Variants in ASIC5 observed in about 807,000 individuals in gnomAD.
ASIC5 encodes the protein acid sensing ion channel subunit family member 5, also known as bile acid-sensitive ion channel.
In ASIC5, 52 loss-of-function variants were observed where a neutral mutation model predicts 51.2. The ratio of observed to expected loss-of-function variants is 1.02; its 90% CI spans 0.81 to 1.28. ASIC5 has a LOEUF of 1.28. Ranked by LOEUF, ASIC5 falls within the 50% of genes most tolerant of loss-of-function variation. The probability of loss-of-function intolerance (pLI) is 0.00; values close to 1 mark genes in which losing one functional copy is unlikely to be tolerated. For missense variants in ASIC5, 635 were observed against 595.0 expected (o/e 1.07, Z -0.70); for synonymous variants, 231 against 200.7 (o/e 1.15, Z -1.28).
rs188260892 is a variant in ASIC5 at position 155,849,764 on chromosome 4, G to C, written c.711+2427C>G. ...ATTTGGAGTCACTGAAAACTAAGCT[G>C]TGCTTTCTTAAAGTCCGGCAAACTG... On this transcript the variant is annotated intron_variant, in intron 4 of 9. Coordinates refer to ENST00000537611, the MANE Select transcript of ASIC5 (RefSeq NM_017419.3). Among the ~76,000 whole-genome samples the C allele has an allele frequency of 3.8e-4, 57 of 151,882 alleles. No homozygotes were observed. The Middle Eastern group carries it at 0.01, about 27-fold the overall frequency.
At chr4:155,836,983 G>T (rs1053938005) in intron 7 of ASIC5, 126 bp from the exon 8 acceptor site, 6 of 632,104 alleles carry the variant, frequency 9.5e-6, no homozygotes, top group Non-Finnish European at 1.5e-5. Flanking sequence ...AACAAATGGT[G>T]TTTACTCTGA....
intron 2 of ASIC5, among the ~76,000 whole-genome samples, chr4:155,857,802 T>A (rs1234085917): frequency 1.3e-5 from 2 of 152,170 alleles, no homozygotes; most frequent in Non-Finnish European, 2.9e-5. Flanking sequence ...CTGCCTTTTG[T>A]ATTCTTCTTT....
chr4:155,847,972 C>G (rs1741295653), intron 4 of ASIC5, among the ~76,000 whole-genome samples: 1 of 152,034 alleles, frequency 6.6e-6, no homozygotes, highest in Admixed American at 6.6e-5. Flanking sequence ...GAAGCATTAA[C>G]TAACTCCTTA....
At chr4:155,851,875 G>C (rs1461604036) in intron 4 of ASIC5, among the ~76,000 whole-genome samples, 1 of 151,954 alleles carries the variant, frequency 6.6e-6, no homozygotes, top group East Asian at 1.9e-4. Context: ...TCAATGCAAA[G>C]AGTTCTCTTA....
At chr4:155,865,392 A>G (rs1741836261) in intron 1 of ASIC5, among the ~76,000 whole-genome samples, 1 of 152,144 alleles carries the variant, frequency 6.6e-6, no homozygotes, top group African/African-American at 2.4e-5. Flanking sequence ...TGTATTCTTT[A>G]GTCATGACTT....
chr4:155,851,026 CTA>C (rs1213064967), intron 4 of ASIC5, among the ~76,000 whole-genome samples: 2 of 152,008 alleles, frequency 1.3e-5, no homozygotes, highest in Admixed American at 6.6e-5. Context: ...ATTCAAAACT[CTA>C]TTTCTCCTGG....
intron 4 of ASIC5, among the ~76,000 whole-genome samples, chr4:155,844,148 G>A (rs904210090): frequency 1.1e-4 from 16 of 151,972 alleles, no homozygotes; most frequent in Non-Finnish European, 2.2e-4. Flanking sequence ...AAGCTGACCT[G>A]GCCTGCAGCA....
At chr4:155,851,300 A>T (rs1016368166) in intron 4 of ASIC5, among the ~76,000 whole-genome samples, 1 of 152,024 alleles carries the variant, frequency 6.6e-6, no homozygotes. Context: ...TTATGTTTGG[A>T]CGTAAAGAAA....
intron 2 of ASIC5, 35 bp from the exon 3 acceptor site, chr4:155,854,349 T>C (rs768283298): frequency 1.5e-6 from 2 of 1,353,500 alleles, no homozygotes; most frequent in Admixed American, 1.8e-5. Context: ...GTTAGAATAA[T>C]GAAAACTTAT....
At chr4:155,836,356 T>A (rs561224412) in intron 8 of ASIC5, among the ~76,000 whole-genome samples, 1 of 152,236 alleles carries the variant, frequency 6.6e-6, no homozygotes, top group East Asian at 1.9e-4. Flanking sequence ...AGACTCAAAG[T>A]GTATAATGTA....
intron 4 of ASIC5, among the ~76,000 whole-genome samples, chr4:155,845,235 T>G (rs1207639319): frequency 2.0e-5 from 3 of 152,128 alleles, no homozygotes; most frequent in Non-Finnish European, 4.4e-5. Context: ...TAAAAAGAAT[T>G]TTTTTAAAGA....
intron 4 of ASIC5, 94 bp downstream of exon 4, chr4:155,852,097 T>C (rs886762471): frequency 1.5e-6 from 2 of 1,330,566 alleles, no homozygotes; most frequent in Middle Eastern, 3.7e-4. Context: ...ATATCCAATG[T>C]GTGGGAACTA....
rs748670687 is a variant in ASIC5 at position 155,843,657 on chromosome 4, AT to A, written c.861+23del. 14 of 1,611,728 alleles carry A rather than the reference AT, an allele frequency of 8.7e-6. No individual in the cohort carries two copies. In the South Asian group the frequency reaches 1.2e-4, roughly 14 times the overall value. ...TTTGATGCATTCACTACCCCACCTA[AT>A]TTCCTCAGACTCGAGTATTTACCTT... On this transcript the variant is annotated intron_variant, in intron 5 of 9. Transcript: ENST00000537611.
chr4:155,831,236 C>T (rs1356227556), intron 9 of ASIC5, among the ~76,000 whole-genome samples: 2 of 152,104 alleles, frequency 1.3e-5, no homozygotes, highest in Non-Finnish European at 2.9e-5. Flanking sequence ...CTGAAACATT[C>T]TACAAAGTCA....
At chr4:155,835,053 C>T (rs924783956) in intron 8 of ASIC5, among the ~76,000 whole-genome samples, 8 of 152,242 alleles carry the variant, frequency 5.3e-5, no homozygotes, top group African/African-American at 1.9e-4. Context: ...CCTTCGAGCC[C>T]GTGTGTAATC....
intron 7 of ASIC5, among the ~76,000 whole-genome samples, chr4:155,837,091 T>C (rs1741000220): frequency 6.6e-6 from 1 of 152,190 alleles, no homozygotes; most frequent in Non-Finnish European, 1.5e-5. Flanking sequence ...GGGATCTTTA[T>C]TGGATTTAAG....
At chr4:155,862,059 G>A (rs764363457) in intron 2 of ASIC5, among the ~76,000 whole-genome samples, 2 of 152,076 alleles carry the variant, frequency 1.3e-5, no homozygotes, top group Non-Finnish European at 2.9e-5. Context: ...TTTTGAAGGG[G>A]ATAGAGTTTA....
At chr4:155,831,199 G>A (rs1050246870) in intron 9 of ASIC5, among the ~76,000 whole-genome samples, 3 of 152,166 alleles carry the variant, frequency 2.0e-5, no homozygotes, top group Non-Finnish European at 4.4e-5. Flanking sequence ...GTATGAGGTG[G>A]CTGACATTTA....
chr4:155,837,789 A>C (rs151164779), intron 7 of ASIC5, among the ~76,000 whole-genome samples: 41 of 151,826 alleles, frequency 2.7e-4, no homozygotes, highest in African/African-American at 9.9e-4. Flanking sequence ...ACATGCACAT[A>C]CTCTCACACA....
Sources: allele counts gnomAD v4.1 joint callset (sites outside exome capture counted in the v4.1 genomes callset), GRCh38; gene constraint gnomAD v4.1.1; transcripts MANE v1.5; gene names NCBI Gene and HGNC (gene_info 2026-07-23, HGNC 2026-07-21).